Variants in NTNG1 observed in about 807,000 individuals in gnomAD.
The protein encoded by NTNG1 is netrin-G1.
NTNG1 carries 16 observed loss-of-function variants against 54.0 expected under a neutral mutation model. The observed-to-expected ratio is 0.30, with a 90% confidence interval of 0.20 to 0.45. The LOEUF (loss-of-function observed/expected upper bound fraction) is 0.45, where lower values mean the gene tolerates loss of function less well. Among genes scored for constraint, NTNG1 ranks in the 20% least tolerant of loss-of-function variants. The pLI is 1.00. For synonymous variants in NTNG1, 255 were observed against 263.1 expected, an observed-to-expected ratio of 0.97 and a Z score of 0.30; for missense variants, 530 against 678.7, an observed-to-expected ratio of 0.78 and a Z score of 2.43.
intron 1 of NTNG1, among the ~76,000 whole-genome samples, chr1:107,145,940 G>A (rs1231767593): frequency 6.6e-6 from 1 of 152,044 alleles, no homozygotes; most frequent in Non-Finnish European, 1.5e-5. Flanking sequence ...TATTTCCTTA[G>A]TGTTCAAATT....
At chr1:107,347,941 C>A (rs927215095) in intron 3 of NTNG1, among the ~76,000 whole-genome samples, 2 of 152,026 alleles carry the variant, frequency 1.3e-5, no homozygotes, top group Non-Finnish European at 2.9e-5. Context: ...CCACTTGGTC[C>A]CACCCTTGAC....
At chr1:107,344,200 GT>G (rs372592556) in intron 3 of NTNG1, among the ~76,000 whole-genome samples, 6 of 152,160 alleles carry the variant, frequency 3.9e-5, no homozygotes, top group African/African-American at 1.4e-4. Flanking sequence ...CATATTTATT[GT>G]TTTTAATGCT....
intron 2 of NTNG1, among the ~76,000 whole-genome samples, chr1:107,277,085 C>A (rs1357024463): frequency 6.6e-6 from 1 of 152,162 alleles, no homozygotes; most frequent in Admixed American, 6.5e-5. Flanking sequence ...AAAAGTGTTA[C>A]ACTGTGGTGC....
intron 2 of NTNG1, among the ~76,000 whole-genome samples, chr1:107,278,029 G>A (rs941786817): frequency 1.3e-5 from 2 of 152,124 alleles, no homozygotes; most frequent in Non-Finnish European, 2.9e-5. Flanking sequence ...CACGTGATTG[G>A]TTTCCCTGCT....
At chr1:107,326,183 G>C (rs571291534) in intron 3 of NTNG1, among the ~76,000 whole-genome samples, 18 of 152,120 alleles carry the variant, frequency 1.2e-4, no homozygotes, top group African/African-American at 4.3e-4. Flanking sequence ...GTAGAAACTG[G>C]TGGCCATCTA....
At chr1:107,315,713 T>C (rs1667296761) in intron 2 of NTNG1, among the ~76,000 whole-genome samples, 1 of 152,174 alleles carries the variant, frequency 6.6e-6, no homozygotes, top group Non-Finnish European at 1.5e-5. Flanking sequence ...AACTCTGTGA[T>C]TTCCTTTTGC....
chr1:107,154,468 C>G (rs550688588), intron 2 of NTNG1, among the ~76,000 whole-genome samples: 1 of 151,274 alleles, frequency 6.6e-6, no homozygotes, highest in Non-Finnish European at 1.5e-5. Context: ...AGGTGACATG[C>G]GCCTGTAGTC....
chr1:107,234,179 G>A (rs1441598607), intron 2 of NTNG1, among the ~76,000 whole-genome samples: 7 of 152,188 alleles, frequency 4.6e-5, no homozygotes, highest in Non-Finnish European at 1.0e-4. Context: ...CTGCAGAGCA[G>A]TGGCATGATC....
In NTNG1 at chr1:107,454,699, T is replaced by C. The variant is rs143593405; in HGVS notation, c.1390+17900T>C. On this transcript the variant is annotated intron_variant, in intron 7 of 7. Coordinates refer to ENST00000370068, the MANE Select transcript of NTNG1 (RefSeq NM_001113226.3). ...CATGCATAAATAGCTATCATCTATT[T>C]AGTCACTGGATCATATATGAAAAAG... 4.3e-3 allele frequency among the ~76,000 whole-genome samples: 662 copies of C among 152,340 alleles called. 5 individuals carry two copies. Among genetic ancestry groups the C allele is most frequent in the African/African-American group, 0.015 (632 of 41,568 alleles).
At chr1:107,181,798 A>G (rs1355752631) in intron 2 of NTNG1, among the ~76,000 whole-genome samples, 11 of 152,106 alleles carry the variant, frequency 7.2e-5, no homozygotes, top group Non-Finnish European at 1.2e-4. Context: ...CGGTGCTTAA[A>G]TCCACAAGAA....
chr1:107,443,688 G>A (rs888551208), intron 7 of NTNG1, among the ~76,000 whole-genome samples: 1 of 152,152 alleles, frequency 6.6e-6, no homozygotes, highest in Admixed American at 6.5e-5. Context: ...TGATGCTGCA[G>A]AGCATCTGTA....
chr1:107,434,497 C>A (rs1211390494), intron 6 of NTNG1, among the ~76,000 whole-genome samples: 1 of 152,110 alleles, frequency 6.6e-6, no homozygotes, highest in Non-Finnish European at 1.5e-5. Context: ...TGGTTTGTGA[C>A]CCTGAGTAAT....
chr1:107,154,553 G>T (rs1654818195), intron 2 of NTNG1, among the ~76,000 whole-genome samples: 2 of 129,466 alleles, frequency 1.5e-5, no homozygotes, highest in South Asian at 2.6e-4. Flanking sequence ...CCAAGATCAT[G>T]CCACTGCACA....
At chr1:107,294,534 T>A (rs1665825899) in intron 2 of NTNG1, among the ~76,000 whole-genome samples, 1 of 152,074 alleles carries the variant, frequency 6.6e-6, no homozygotes, top group African/African-American at 2.4e-5. Context: ...AAACCTATAA[T>A]CCGAAACATA....
At chr1:107,216,689 T>C (rs992235764) in intron 2 of NTNG1, among the ~76,000 whole-genome samples, 1 of 150,506 alleles carries the variant, frequency 6.6e-6, no homozygotes, top group African/African-American at 2.5e-5. Context: ...ATTCCCTCTT[T>C]TTTTTTTTTT....
chr1:107,196,931 T>C (rs1658381183), intron 2 of NTNG1, among the ~76,000 whole-genome samples: 1 of 151,900 alleles, frequency 6.6e-6, no homozygotes, highest in Non-Finnish European at 1.5e-5. Flanking sequence ...AACCTTGTCA[T>C]TCTCGGGCGG....
chr1:107,460,275 G>A (rs920271168), intron 7 of NTNG1: 48 of 444,278 alleles, frequency 1.1e-4, no homozygotes, highest in Non-Finnish European at 1.9e-4. Context: ...AGTTCATCAT[G>A]AGCGCACTCC....
chr1:107,201,565 C>G (rs981123072), intron 2 of NTNG1, among the ~76,000 whole-genome samples: 4 of 151,710 alleles, frequency 2.6e-5, no homozygotes, highest in African/African-American at 9.7e-5. Flanking sequence ...TTCCTTTGCT[C>G]CACACTCTCC....
At chr1:107,476,606 T>G (rs1367989196) in intron 7 of NTNG1, among the ~76,000 whole-genome samples, 1 of 152,194 alleles carries the variant, frequency 6.6e-6, no homozygotes, top group Non-Finnish European at 1.5e-5. Flanking sequence ...CTCTTATCCA[T>G]TCACATAACC....
Sources: gnomAD v4.1 joint callset for allele counts (sites outside exome capture counted in the v4.1 genomes callset) on GRCh38, gnomAD v4.1.1 for gene constraint, MANE v1.5 for transcripts, NCBI Gene and HGNC (gene_info 2026-07-23, HGNC 2026-07-21) for gene names.